CCDC148: variants seen among roughly 807,000 people sequenced by gnomAD.
The protein encoded by CCDC148 is coiled-coil domain containing 148, also known as coiled-coil domain-containing protein 148.
In CCDC148, 89 loss-of-function variants were observed where a neutral mutation model predicts 85.7. The observed-to-expected ratio is 1.04, with a 90% confidence interval of 0.87 to 1.24. The LOEUF (loss-of-function observed/expected upper bound fraction) is 1.24, where lower values mean the gene tolerates loss of function less well. CCDC148 is among the 50% of genes most tolerant of loss of function. The pLI, the probability that CCDC148 is intolerant of heterozygous loss-of-function variation, is 0.00. For synonymous variants in CCDC148, 230 were observed against 213.9 expected, an observed-to-expected ratio of 1.08 and a Z score of -0.66; for missense variants, 692 against 671.7, an observed-to-expected ratio of 1.03 and a Z score of -0.33.
intron 11 of CCDC148, among the ~76,000 whole-genome samples, chr2:158,210,926 TCCAGCCTGGGCGACAGA>T (rs1187644162): frequency 7.7e-6 from 1 of 129,754 alleles, no homozygotes; most frequent in East Asian, 2.2e-4. Flanking sequence ...GCCACTGCAC[TCCAGCCTGGGCGACAGA>T]GCAAGACTCT....
chr2:158,345,351 C>T, intron 2 of CCDC148, 33 bp from the exon 3 acceptor site: 1 of 1,440,694 alleles, frequency 6.9e-7, no homozygotes, highest in Middle Eastern at 1.8e-4. Context: ...GGAGCAACTT[C>T]AAAGTTTTCA....
At chr2:158,396,744 G>A (rs1022789257) in intron 1 of CCDC148, among the ~76,000 whole-genome samples, 5 of 152,036 alleles carry the variant, frequency 3.3e-5, no homozygotes, top group Admixed American at 1.3e-4. Context: ...ATCATACTTT[G>A]TTGTAAAAAG....
In CCDC148 at chr2:158,250,923, G is replaced by A. The variant is rs1169924396; in HGVS notation, c.1111-11C>T. The A allele has an allele frequency of 1.6e-5, 25 of 1,589,230 alleles. No homozygotes were observed. Among genetic ancestry groups the A allele is most frequent in the Non-Finnish European group, 2.0e-5 (24 of 1,173,708 alleles). On this transcript the variant is annotated splice_polypyrimidine_tract_variant and intron_variant, in intron 9 of 13. Coordinates refer to ENST00000283233, the MANE Select transcript of CCDC148 (RefSeq NM_138803.4). ...TCGCCATTGACGAACCTGAAATAAA[G>A]AGAAAAACTTCATTCCAGTAACTAT...
At chr2:158,275,197 T>A (rs150685041) in intron 9 of CCDC148, among the ~76,000 whole-genome samples, 2 of 152,352 alleles carry the variant, frequency 1.3e-5, no homozygotes, top group Non-Finnish European at 2.9e-5. Context: ...TAAATTCTAG[T>A]CCCAAATCAA....
chr2:158,288,035 AG>A (rs1244636873), intron 9 of CCDC148, among the ~76,000 whole-genome samples: 5 of 152,218 alleles, frequency 3.3e-5, no homozygotes, highest in Non-Finnish European at 5.9e-5. Context: ...AGAGGCTGCC[AG>A]GGCTTGGGGC....
intron 10 of CCDC148, among the ~76,000 whole-genome samples, chr2:158,231,706 T>C (rs1003325912): frequency 2.0e-4 from 30 of 152,294 alleles, no homozygotes; most frequent in Admixed American, 8.5e-4. Context: ...CCTTAGTACA[T>C]TGTGTCATGT....
At chr2:158,343,669 T>C (rs895207031) in intron 3 of CCDC148, among the ~76,000 whole-genome samples, 2 of 152,348 alleles carry the variant, frequency 1.3e-5, no homozygotes, top group South Asian at 2.1e-4. Context: ...TTTCTAAAGG[T>C]TGACAAACAC....
In CCDC148 at chr2:158,340,649, G is replaced by C. The variant is rs1456447338; in HGVS notation, c.283C>G (p.Leu95Val). ...CKMESEIKSL[L>V]NEENIGNECL... ...TCATTTCCAATGTTCTCTTCATTGA[G>C]AAGGGATTTTATTTCAGATTCCATT... Residue 95 changes from leucine (L) to valine (V), a missense_variant, in exon 4 of 14, where the codon CTC becomes GTC. Transcript: ENST00000283233. 1 of 1,587,568 alleles carries C rather than the reference G, an allele frequency of 6.3e-7. No homozygotes were observed. Among genetic ancestry groups the C allele is most frequent in the Non-Finnish European group, 8.6e-7 (1 of 1,163,310 alleles).
intron 9 of CCDC148, among the ~76,000 whole-genome samples, chr2:158,273,478 A>G (rs967119310): frequency 3.9e-5 from 6 of 152,194 alleles, no homozygotes; most frequent in African/African-American, 7.2e-5. Context: ...CACTAACAAG[A>G]AAGTGCCTGA....
intron 1 of CCDC148, among the ~76,000 whole-genome samples, chr2:158,432,162 G>C (rs911881893): frequency 4.0e-5 from 6 of 151,092 alleles, no homozygotes; most frequent in African/African-American, 1.5e-4. Flanking sequence ...TCATAGTACA[G>C]ATAAAGTAGA....
chr2:158,255,476 A>G (rs755230711), intron 9 of CCDC148, among the ~76,000 whole-genome samples: 2 of 151,860 alleles, frequency 1.3e-5, no homozygotes, highest in Admixed American at 6.6e-5. Context: ...CCCTTATCCA[A>G]TGGATCCTCA....
chr2:158,173,062 T>C (rs902521532), intron 13 of CCDC148, among the ~76,000 whole-genome samples: 6 of 152,012 alleles, frequency 3.9e-5, no homozygotes, highest in Non-Finnish European at 8.8e-5. Flanking sequence ...AACTACAGAT[T>C]ATGGCAACAT....
At chr2:158,261,182 C>A (rs114890497) in intron 9 of CCDC148, among the ~76,000 whole-genome samples, 10,753 of 151,892 alleles carry the variant, frequency 0.071, 520 homozygotes, top group East Asian at 0.15. Context: ...CATAAACCAA[C>A]AGAACAGAAT....
rs963905115 is a variant in CCDC148, at chr2:158,285,838, A to T, written c.1110+23595T>A. Among the ~76,000 whole-genome samples, 4 of 152,158 alleles carry T rather than the reference A, an allele frequency of 2.6e-5. No homozygotes were observed. In the South Asian group the frequency reaches 6.2e-4, roughly 24 times the overall value. ...GGAGTGAGCCACCGCGCCCAGCCAA[A>T]AGTTAACTTATTTAATCTGAGAATG... On this transcript the variant is annotated intron_variant, in intron 9 of 13. Transcript: ENST00000283233.
At chr2:158,226,742 A>T (rs1424546502) in intron 10 of CCDC148, among the ~76,000 whole-genome samples, 1 of 152,212 alleles carries the variant, frequency 6.6e-6, no homozygotes, top group Non-Finnish European at 1.5e-5. Context: ...AAGGCCTTTG[A>T]CAAAATTCAA....
chr2:158,276,094 G>A (rs935568830), intron 9 of CCDC148, among the ~76,000 whole-genome samples: 3 of 152,150 alleles, frequency 2.0e-5, no homozygotes, highest in Non-Finnish European at 2.9e-5. Flanking sequence ...CTTTTCAAGA[G>A]TCTTCTCAGG....
intron 1 of CCDC148, among the ~76,000 whole-genome samples, chr2:158,413,207 A>T (rs1686343450): frequency 6.6e-6 from 1 of 152,146 alleles, no homozygotes; most frequent in Admixed American, 6.5e-5. Context: ...AAATGTTAAA[A>T]GAAGCAGCAG....
At chr2:158,285,727 G>A (rs779700675) in intron 9 of CCDC148, among the ~76,000 whole-genome samples, 4 of 151,370 alleles carry the variant, frequency 2.6e-5, no homozygotes, top group East Asian at 1.9e-4. Context: ...TAGTAGAGAC[G>A]GGGTTTCACC....
chr2:158,397,544 G>A (rs1316760442), intron 1 of CCDC148, among the ~76,000 whole-genome samples: 1 of 152,124 alleles, frequency 6.6e-6, no homozygotes, highest in African/African-American at 2.4e-5. Flanking sequence ...CATAAGTGAA[G>A]GAGAAATAAA....
Sources: gnomAD v4.1 joint callset for allele counts (sites outside exome capture counted in the v4.1 genomes callset) on GRCh38, gnomAD v4.1.1 for gene constraint, MANE v1.5 for transcripts, NCBI Gene and HGNC (gene_info 2026-07-23, HGNC 2026-07-21) for gene names.